Variants in CDH13 observed in about 807,000 individuals in gnomAD.
CDH13 encodes the protein cadherin 13, also known as cadherin-13.
CDH13 carries 24 observed loss-of-function variants against 63.8 expected under a neutral mutation model. The observed-to-expected ratio is 0.38, with a 90% confidence interval of 0.27 to 0.53. The LOEUF is 0.53. Among genes scored for constraint, CDH13 ranks in the 20% least tolerant of loss-of-function variants. CDH13 has a pLI of 0.85. For missense variants in CDH13, 1,049 were observed against 903.1 expected, an observed-to-expected ratio of 1.16 and a Z score of -2.07; for synonymous variants, 503 against 355.3, an observed-to-expected ratio of 1.42 and a Z score of -4.67.
At chr16:82,784,571 C>T (rs1597570595) in intron 1 of CDH13, among the ~76,000 whole-genome samples, 1 of 152,140 alleles carries the variant, frequency 6.6e-6, no homozygotes, top group African/African-American at 2.4e-5. Context: ...ACGGTCCTTG[C>T]CCACACATGG....
intron 5 of CDH13, among the ~76,000 whole-genome samples, chr16:83,224,094 G>GT (rs1452239831): frequency 1.3e-5 from 2 of 152,084 alleles, no homozygotes; most frequent in Non-Finnish European, 2.9e-5. Context: ...ATGATGTTTG[G>GT]TTTTCCATTC....
intron 1 of CDH13, among the ~76,000 whole-genome samples, chr16:82,839,569 C>T (rs2038920157): frequency 6.6e-6 from 1 of 152,162 alleles, no homozygotes. Context: ...GGCCCTGCTC[C>T]AATTACCTTC....
intron 2 of CDH13, chr16:83,023,174 C>G (rs924890401): frequency 2.0e-5 from 3 of 152,162 alleles, no homozygotes; most frequent in Non-Finnish European, 4.4e-5. Context: ...TGAAGTTTGT[C>G]TTTTTGTGAC....
At chr16:82,886,394 G>GC (rs1892552197) in intron 2 of CDH13, among the ~76,000 whole-genome samples, 1 of 152,156 alleles carries the variant, frequency 6.6e-6, no homozygotes, top group African/African-American at 2.4e-5. Flanking sequence ...GCCAGTGTAT[G>GC]TGTTATCACT....
chr16:83,043,638 C>T (rs1303946233), intron 3 of CDH13, among the ~76,000 whole-genome samples: 1 of 151,870 alleles, frequency 6.6e-6, no homozygotes, highest in Non-Finnish European at 1.5e-5. Flanking sequence ...GCAGGCGGAT[C>T]ACTTGAGGCC....
At chr16:83,361,420 G>C (rs1002596760) in intron 6 of CDH13, among the ~76,000 whole-genome samples, 1 of 152,150 alleles carries the variant, frequency 6.6e-6, no homozygotes, top group African/African-American at 2.4e-5. Context: ...TTGCTGTGCA[G>C]ATCTTTAGTT....
intron 5 of CDH13, among the ~76,000 whole-genome samples, chr16:83,290,752 C>G (rs2089446602): frequency 6.6e-6 from 1 of 152,110 alleles, no homozygotes; most frequent in Admixed American, 6.5e-5. Flanking sequence ...TCTCGGGCTC[C>G]AAGGCCCTCG....
intron 1 of CDH13, among the ~76,000 whole-genome samples, chr16:82,694,263 T>C (rs2029984430): frequency 6.6e-6 from 1 of 152,192 alleles, no homozygotes; most frequent in Non-Finnish European, 1.5e-5. Context: ...AAAAGTAATG[T>C]TTGACTCCAA....
chr16:83,269,347 C>G (rs967445126), intron 5 of CDH13, among the ~76,000 whole-genome samples: 5 of 152,194 alleles, frequency 3.3e-5, no homozygotes, highest in African/African-American at 1.2e-4. Flanking sequence ...ATATATTATG[C>G]AATGCATTAC....
chr16:83,097,359 C>G (rs970103498), intron 3 of CDH13, among the ~76,000 whole-genome samples: 2 of 152,128 alleles, frequency 1.3e-5, no homozygotes, highest in African/African-American at 2.4e-5. Context: ...TAAGAGAGCT[C>G]AAGATTATGG....
chr16:83,762,791 G>A (rs1056739212), intron 11 of CDH13, among the ~76,000 whole-genome samples: 1 of 152,032 alleles, frequency 6.6e-6, no homozygotes, highest in African/African-American at 2.4e-5. Flanking sequence ...AATTGTGTAG[G>A]GTTCATTGTT....
At chr16:83,339,237 C>G (rs2090669058) in intron 5 of CDH13, among the ~76,000 whole-genome samples, 1 of 152,138 alleles carries the variant, frequency 6.6e-6, no homozygotes, top group South Asian at 2.1e-4. Flanking sequence ...ATGAGTTTCT[C>G]CTTCCTTGAT....
chr16:83,739,802 A>G (rs564606265), intron 10 of CDH13: 20 of 152,338 alleles, frequency 1.3e-4, no homozygotes, highest in African/African-American at 4.3e-4. Context: ...TCATTCCCTC[A>G]TGCATGCATT....
At chr16:82,966,720 A>G (rs1186836729) in intron 2 of CDH13, among the ~76,000 whole-genome samples, 1 of 152,226 alleles carries the variant, frequency 6.6e-6, no homozygotes, top group African/African-American at 2.4e-5. Flanking sequence ...ATGTTAACAT[A>G]TTATCACATT....
At chr16:83,246,603 T>C (rs934339130) in intron 5 of CDH13, among the ~76,000 whole-genome samples, 1 of 152,230 alleles carries the variant, frequency 6.6e-6, no homozygotes, top group Non-Finnish European at 1.5e-5. Context: ...GTTTGAGCTA[T>C]GAAATATTTC....
chr16:83,235,174 C>T (rs1293725074), intron 5 of CDH13, among the ~76,000 whole-genome samples: 2 of 152,082 alleles, frequency 1.3e-5, no homozygotes, highest in African/African-American at 4.8e-5. Context: ...AACTGCATTC[C>T]AGCCTGGGTA....
intron 1 of CDH13, among the ~76,000 whole-genome samples, chr16:82,777,633 C>T (rs1050357017): frequency 6.6e-6 from 1 of 152,124 alleles, no homozygotes; most frequent in African/African-American, 2.4e-5. Context: ...TTTATTATTC[C>T]ACAATTTCTG....
At chr16:83,243,345 T>A (rs553502078) in intron 5 of CDH13, among the ~76,000 whole-genome samples, 3 of 152,346 alleles carry the variant, frequency 2.0e-5, no homozygotes, top group Non-Finnish European at 4.4e-5. Flanking sequence ...ACATCTTACA[T>A]GGCGGCAGGG....
intron 10 of CDH13, among the ~76,000 whole-genome samples, chr16:83,706,794 G>A (rs569234160): frequency 2.7e-4 from 41 of 152,248 alleles, no homozygotes; most frequent in African/African-American, 9.1e-4. Context: ...TAGGTTCCTG[G>A]GATGAATGGA....
Sources: gnomAD v4.1 joint callset for allele counts (sites outside exome capture counted in the v4.1 genomes callset) on GRCh38, gnomAD v4.1.1 for gene constraint, MANE v1.5 for transcripts, NCBI Gene and HGNC (gene_info 2026-07-23, HGNC 2026-07-21) for gene names.